Variants in DPP6 observed in about 807,000 individuals in gnomAD.
DPP6 encodes A-type potassium channel modulatory protein DPP6.
DPP6 carries 69 observed loss-of-function variants against 122.6 expected under a neutral mutation model. The observed-to-expected ratio is 0.56, with a 90% CI of 0.46 to 0.69. DPP6 has a LOEUF of 0.69. Among genes scored for constraint, DPP6 ranks in the 30% least tolerant of loss-of-function variants. DPP6 has a pLI of 0.00. For synonymous variants in DPP6, 418 were observed against 433.1 expected (o/e 0.97, Z 0.43); for missense variants, 928 against 1,116.9 (o/e 0.83, Z 2.41).
intron 7 of DPP6, among the ~76,000 whole-genome samples, chr7:154,675,456 T>C (rs1463123963): frequency 6.6e-6 from 1 of 152,152 alleles, no homozygotes; most frequent in Non-Finnish European, 1.5e-5. Flanking sequence ...CCCAAAGATG[T>C]TCCCAGCCCT....
the DPP6 span, among the ~76,000 whole-genome samples, chr7:153,866,077 A>G: frequency 6.6e-6 from 1 of 152,186 alleles, no homozygotes; most frequent in South Asian, 2.1e-4. Flanking sequence ...GTTGGTTCCA[A>G]GTCTTTGCTG....
Position 154,467,183 on chromosome 7 carries a change from G to A in DPP6, c.359-7756G>A, listed in dbSNP as rs112523874. Among the ~76,000 whole-genome samples the A allele has an allele frequency of 1.6e-3, 238 of 152,282 alleles. 2 individuals are homozygous for A. Among genetic ancestry groups the A allele is most frequent in the African/African-American group, 5.6e-3 (231 of 41,550 alleles). ...CTAGGGCTCTCAGGTCTGCCCTCTG[G>A]GAGTCATCTTTCTTCTTCATGAATG... is the stretch of plus-strand genomic sequence containing the variant. On this transcript the variant is annotated intron_variant, in intron 2 of 25. Coordinates refer to ENST00000377770, the MANE Select transcript of DPP6 (RefSeq NM_130797.4).
intron 10 of DPP6, among the ~76,000 whole-genome samples, chr7:154,782,759 G>C (rs1203345008): frequency 6.6e-6 from 1 of 151,964 alleles, no homozygotes; most frequent in Non-Finnish European, 1.5e-5. Context: ...GGTGAGGCTT[G>C]GGAGTTTGCA....
At chr7:153,909,140 A>G (rs1799969164) in intron 1 of DPP6, among the ~76,000 whole-genome samples, 1 of 152,130 alleles carries the variant, frequency 6.6e-6, no homozygotes, top group Non-Finnish European at 1.5e-5. Context: ...TTAATTCTTT[A>G]TTTTTGTCCC....
chr7:154,552,561 C>T (rs551737867), intron 4 of DPP6, among the ~76,000 whole-genome samples: 11 of 152,298 alleles, frequency 7.2e-5, no homozygotes, highest in South Asian at 2.1e-4. Flanking sequence ...GGAAGCTGTG[C>T]TGGATGGTCC....
intron 1 of DPP6, among the ~76,000 whole-genome samples, chr7:154,208,926 T>G (rs1002053824): frequency 3.3e-5 from 5 of 152,220 alleles, no homozygotes; most frequent in Non-Finnish European, 5.9e-5. Flanking sequence ...TATACACGTC[T>G]ACTAAACTGT....
chr7:154,390,167 T>C (rs1814489169), intron 1 of DPP6, among the ~76,000 whole-genome samples: 1 of 152,064 alleles, frequency 6.6e-6, no homozygotes, highest in African/African-American at 2.4e-5. Flanking sequence ...CAGATGCAAG[T>C]GGGGGAAGGT....
At chr7:153,826,240 G>A in the DPP6 span, among the ~76,000 whole-genome samples, 1 of 152,150 alleles carries the variant, frequency 6.6e-6, no homozygotes, top group Non-Finnish European at 1.5e-5. Flanking sequence ...TCAAGCTAAA[G>A]GAAAAACAGA....
chr7:154,138,397 A>G (rs896508273), intron 1 of DPP6, among the ~76,000 whole-genome samples: 1 of 152,252 alleles, frequency 6.6e-6, no homozygotes, highest in African/African-American at 2.4e-5. Context: ...AAATCTCCAG[A>G]TGCTCAAAGC....
chr7:154,255,405 T>C (rs77411216), intron 1 of DPP6, among the ~76,000 whole-genome samples: 5,943 of 152,152 alleles, frequency 0.039, 192 homozygotes, highest in East Asian at 0.13. Context: ...ACTCCAGCAG[T>C]GTGGAGAGGA....
intron 17 of DPP6, among the ~76,000 whole-genome samples, chr7:154,864,691 A>G (rs1429025785): frequency 6.6e-6 from 1 of 152,266 alleles, no homozygotes; most frequent in Non-Finnish European, 1.5e-5. Context: ...GTGGGCAATC[A>G]TTAAATGAGA....
the DPP6 span, among the ~76,000 whole-genome samples, chr7:153,858,674 C>T: frequency 1.3e-5 from 2 of 152,208 alleles, no homozygotes; most frequent in Admixed American, 1.3e-4. Flanking sequence ...CTGTCATCCA[C>T]AGTAAAAACT....
At chr7:154,812,471 C>T (rs1799128400) in intron 16 of DPP6, among the ~76,000 whole-genome samples, 1 of 152,110 alleles carries the variant, frequency 6.6e-6, no homozygotes, top group Non-Finnish European at 1.5e-5. Context: ...AAATCCAAGA[C>T]CAGGGTACCA....
chr7:154,301,325 G>A (rs150292067), intron 1 of DPP6, among the ~76,000 whole-genome samples: 4 of 152,270 alleles, frequency 2.6e-5, no homozygotes, highest in East Asian at 3.9e-4. Flanking sequence ...TGTGCAAGGC[G>A]CTTGGAAAGG....
Position 154,769,499 on chromosome 7 carries a change from T to C in DPP6, c.966T>C (p.Arg322=), listed in dbSNP as rs762389893. ...RLAYAAINDS[R]VPIMELPTYT... Reference sequence around the variant, plus strand: ...CCTACGCCGCCATCAATGATTCCCGTGTCCCCATCATGGAGCTCCCAACTT... The same window carrying C: ...CCTACGCCGCCATCAATGATTCCCGCGTCCCCATCATGGAGCTCCCAACTT... The change falls in exon 9 of 26, where the codon CGT becomes CGC. Residue 322 remains arginine (R), a synonymous_variant. Transcript: ENST00000377770. The C allele has an allele frequency of 6.2e-7, 1 of 1,613,734 alleles. No individual in the cohort carries two copies. Among genetic ancestry groups the C allele is most frequent in the Non-Finnish European group, 8.5e-7 (1 of 1,179,824 alleles).
At chr7:153,944,967 C>T (rs920199852) in intron 1 of DPP6, among the ~76,000 whole-genome samples, 3 of 152,108 alleles carry the variant, frequency 2.0e-5, no homozygotes, top group South Asian at 2.1e-4. Flanking sequence ...AAGCGCTTTG[C>T]GTTCTCTGTT....
chr7:154,265,016 G>A (rs373575916), intron 1 of DPP6, among the ~76,000 whole-genome samples: 2 of 814 alleles, frequency 2.5e-3, no homozygotes, highest in Non-Finnish European at 9.0e-3. Context: ...GATAGTGATA[G>A]TGATGATGGT....
rs373111968 is a variant in DPP6 at position 154,540,648 on chromosome 7, C to T, written c.552+22C>T. ...AATTGTAAGTACTCTCTTTAATGAC[C>T]GGGATAATTTCAGTTTTTCTTCCTG... On this transcript the variant is annotated intron_variant, in intron 4 of 25. Coordinates refer to ENST00000377770, the MANE Select transcript of DPP6 (RefSeq NM_130797.4). 1.5e-3 allele frequency: 2,131 copies of T among 1,399,064 alleles called. 6 individuals are homozygous for T. Among genetic ancestry groups the T allele is most frequent in the South Asian group, 2.0e-3 (147 of 74,230 alleles). The allele number at this position is 1,399,064 out of a possible 1,614,324, so 86.7% of individuals were successfully genotyped here.
intron 1 of DPP6, among the ~76,000 whole-genome samples, chr7:154,429,416 T>A (rs10952479): frequency 6.6e-6 from 1 of 152,052 alleles, no homozygotes. Flanking sequence ...AGAAAACTTC[T>A]CATGTATTGG....
Sources: allele counts gnomAD v4.1 joint callset (sites outside exome capture counted in the v4.1 genomes callset), GRCh38; gene constraint gnomAD v4.1.1; transcripts MANE v1.5; gene names NCBI Gene and HGNC (gene_info 2026-07-23, HGNC 2026-07-21).